Variants in SHROOM3 observed in about 807,000 individuals in gnomAD.
The protein encoded by SHROOM3 is protein Shroom3.
Under a neutral mutation model 138.6 loss-of-function variants are expected in SHROOM3, and 47 were observed. The observed-to-expected ratio is 0.34, with a 90% CI of 0.27 to 0.43. The LOEUF is 0.43. SHROOM3 is among the 20% of genes least tolerant of loss of function. The pLI, the probability that SHROOM3 is intolerant of heterozygous loss-of-function variation, is 1.00. For synonymous variants in SHROOM3, 1,062 were observed against 1,063.3 expected (o/e 1.00, Z 0.02); for missense variants, 2,491 against 2,596.5 (o/e 0.96, Z 0.88).
intron 4 of SHROOM3, among the ~76,000 whole-genome samples, chr4:76,732,100 C>G (rs1401660336): frequency 2.0e-5 from 3 of 152,142 alleles, no homozygotes; most frequent in African/African-American, 7.2e-5. Flanking sequence ...GACTTGGAAC[C>G]CCTACAAACT....
intron 1 of SHROOM3, among the ~76,000 whole-genome samples, chr4:76,533,667 A>C (rs1449435342): frequency 1.3e-5 from 2 of 152,248 alleles, no homozygotes; most frequent in Non-Finnish European, 2.9e-5. Flanking sequence ...AAAATGTTTC[A>C]TATTTTAAAA....
In SHROOM3 at chr4:76,484,222, G is replaced by C. The variant is rs150940086; in HGVS notation, c.168+48002G>C. On this transcript the variant is annotated intron_variant, in intron 1 of 10. Coordinates refer to ENST00000296043, the MANE Select transcript of SHROOM3 (RefSeq NM_020859.4). Reference sequence around the variant, plus strand: ...CCTTTAGTTAGCAATTTCTATCAAGGCAATGCTAAACTCATTATGAACAGG... The same window carrying C: ...CCTTTAGTTAGCAATTTCTATCAAGCCAATGCTAAACTCATTATGAACAGG... Among the ~76,000 whole-genome samples the C allele has an allele frequency of 2.2e-3, 334 of 151,952 alleles. 2 individuals carry two copies. The highest frequency in any genetic ancestry group is 3.5e-3 in the East Asian group (18 of 5,174).
chr4:76,739,217 T>C lies in SHROOM3; in HGVS notation c.1044T>C (p.Ser348=). Residue 348 remains serine, a synonymous_variant, in exon 5 of 11, where the codon TCT becomes TCC. Transcript: ENST00000296043. ...ATGGTCAGGGCTATGATAAATGGTC[T>C]AATATTCCTCGGGGCAAGGGAGTGC... ...SANGQGYDKW[S]NIPRGKGVPP... is the part of the protein sequence containing the mutation. 6.2e-7 allele frequency: 1 copy of C among 1,614,102 alleles called. No homozygotes were observed.
chr4:76,597,309 TGA>T (rs1491114743), intron 2 of SHROOM3, among the ~76,000 whole-genome samples: 50 of 151,846 alleles, frequency 3.3e-4, no homozygotes, highest in African/African-American at 1.2e-3. Context: ...ATTCGAGGAG[TGA>T]GTGACTAGGA....
At chr4:76,568,008 A>G (rs1225081212) in intron 2 of SHROOM3, among the ~76,000 whole-genome samples, 1 of 152,068 alleles carries the variant, frequency 6.6e-6, no homozygotes, top group Non-Finnish European at 1.5e-5. Context: ...TCCATTTTAC[A>G]TCGCAGTCCC....
chr4:76,771,736 C>T (rs1722365304), intron 10 of SHROOM3, among the ~76,000 whole-genome samples: 1 of 152,190 alleles, frequency 6.6e-6, no homozygotes, highest in South Asian at 2.1e-4. Flanking sequence ...CTCATGGAAT[C>T]CTCACAACAG....
At chr4:76,666,612 G>A (rs920561019) in intron 2 of SHROOM3, among the ~76,000 whole-genome samples, 5 of 152,072 alleles carry the variant, frequency 3.3e-5, no homozygotes, top group African/African-American at 4.8e-5. Context: ...TTTAAAAAGA[G>A]GAAATGCTAA....
At chr4:76,480,526 C>T (rs555701957) in intron 1 of SHROOM3, among the ~76,000 whole-genome samples, 25 of 152,242 alleles carry the variant, frequency 1.6e-4, no homozygotes, top group African/African-American at 5.1e-4. Flanking sequence ...TAGACTCACA[C>T]ACAATAATAG....
chr4:76,582,478 A>G (rs951475339), intron 2 of SHROOM3, among the ~76,000 whole-genome samples: 29 of 152,308 alleles, frequency 1.9e-4, no homozygotes, highest in African/African-American at 6.7e-4. Flanking sequence ...TCACAAGGCC[A>G]TGTGCAAATC....
intron 1 of SHROOM3, among the ~76,000 whole-genome samples, chr4:76,501,316 G>A (rs56402255): frequency 0.18 from 26,731 of 151,888 alleles, 2,736 homozygotes; most frequent in African/African-American, 0.27. Context: ...TTGTTTCTTT[G>A]TGTTACTATT....
rs773497224 is a variant in SHROOM3 at position 76,710,191 on chromosome 4, G to A, written c.359G>A (p.Gly120Asp). 1.9e-6 allele frequency: 3 copies of A among 1,614,122 alleles called. No homozygotes were observed. The highest frequency in any genetic ancestry group is 2.5e-6 in the Non-Finnish European group (3 of 1,180,014). ...VCTDPGHADT[G>D]ASNFVSPEHL... is the part of the protein sequence containing the mutation. The stretch of plus-strand genomic sequence containing the variant: ...ACAGACCCAGGCCATGCAGATACTG[G>A]TGCCTCTAACTTCGTCAGCCCAGAA... The change falls in exon 3 of 11, where the codon GGT becomes GAT. Residue 120 changes from glycine (G) to aspartate (D), a missense_variant. This residue lies in a region of SHROOM3 where 284 missense variants were observed against 322.8 expected (regional missense o/e 0.88). Coordinates refer to ENST00000296043, the MANE Select transcript of SHROOM3 (RefSeq NM_020859.4).
At chr4:76,479,136 C>A (rs1169224097) in intron 1 of SHROOM3, among the ~76,000 whole-genome samples, 1 of 151,868 alleles carries the variant, frequency 6.6e-6, no homozygotes, top group Non-Finnish European at 1.5e-5. Context: ...ATGAGTTTGA[C>A]AAATTGACAG....
chr4:76,492,724 A>T (rs1241589076), intron 1 of SHROOM3, among the ~76,000 whole-genome samples: 1 of 152,190 alleles, frequency 6.6e-6, no homozygotes, highest in South Asian at 2.1e-4. Flanking sequence ...CATGCATGAG[A>T]TCCTATACAC....
intron 2 of SHROOM3, among the ~76,000 whole-genome samples, chr4:76,678,969 T>G (rs762553275): frequency 2.7e-5 from 4 of 149,288 alleles, no homozygotes; most frequent in Admixed American, 6.6e-5. Context: ...GCCGAGCAAT[T>G]TTTTTTAAAA....
chr4:76,617,771 TA>T (rs1734913947), intron 2 of SHROOM3, among the ~76,000 whole-genome samples: 1 of 152,232 alleles, frequency 6.6e-6, no homozygotes, highest in Non-Finnish European at 1.5e-5. Flanking sequence ...CATAGAATAT[TA>T]ATTAAAATAT....
intron 1 of SHROOM3, among the ~76,000 whole-genome samples, chr4:76,530,745 A>G (rs1732812977): frequency 6.6e-6 from 1 of 152,202 alleles, no homozygotes; most frequent in Admixed American, 6.5e-5. Flanking sequence ...ACAAGCTTCC[A>G]TAAATGGAAC....
intron 1 of SHROOM3, among the ~76,000 whole-genome samples, chr4:76,533,970 G>A (rs187848257): frequency 2.0e-5 from 3 of 152,234 alleles, no homozygotes; most frequent in East Asian, 3.9e-4. Context: ...CCCTGGGTAG[G>A]ACAAAGACAA....
chr4:76,599,989 T>C (rs200566458), intron 2 of SHROOM3, among the ~76,000 whole-genome samples: 1 of 100,564 alleles, frequency 9.9e-6, no homozygotes, highest in African/African-American at 4.0e-5. Context: ...TAAAAAAACA[T>C]TTTTTTTTTA....
In SHROOM3 at chr4:76,664,866, G is replaced by A. The variant is rs999138644; in HGVS notation, c.324-45290G>A. On this transcript the variant is annotated intron_variant, in intron 2 of 10. Coordinates refer to ENST00000296043, the MANE Select transcript of SHROOM3 (RefSeq NM_020859.4). This position sits in a 1 kb window ranked among gnomAD's most constrained non-coding sequence, Gnocchi z 4.2. Reference sequence around the variant, plus strand: ...TGCGCCTTGGTTTTAAAGGCTTCCAGGTGGTCGAGCACGGTGGCTTTTGCC... The same window carrying A: ...TGCGCCTTGGTTTTAAAGGCTTCCAAGTGGTCGAGCACGGTGGCTTTTGCC... Among the ~76,000 whole-genome samples, 1 of 152,122 alleles carries A rather than the reference G, an allele frequency of 6.6e-6. No homozygotes were observed. Among genetic ancestry groups the A allele is most frequent in the African/African-American group, 2.4e-5 (1 of 41,434 alleles).
Sources: allele counts gnomAD v4.1 joint callset (sites outside exome capture counted in the v4.1 genomes callset), GRCh38; gene constraint gnomAD v4.1.1; regional missense constraint gnomAD v4.1.1; non-coding constraint Gnocchi (gnomAD v3.1); transcripts MANE v1.5; gene names NCBI Gene and HGNC (gene_info 2026-07-23, HGNC 2026-07-21).